The following SLC24A2 variants were observed in gnomAD, a reference collection of about 807,000 sequenced individuals.
SLC24A2 encodes the protein solute carrier family 24 member 2.
Under a neutral mutation model 62.0 loss-of-function variants are expected in SLC24A2, and 36 were observed. The observed-to-expected ratio is 0.58, with a 90% CI of 0.44 to 0.77. The LOEUF is 0.77. Ranked by LOEUF, SLC24A2 falls within the 30% of genes least tolerant of loss-of-function variation. The probability of loss-of-function intolerance (pLI) is 0.00; values close to 1 mark genes in which losing one functional copy is unlikely to be tolerated. For synonymous variants in SLC24A2, 358 were observed against 294.0 expected (o/e 1.22, Z -2.23); for missense variants, 846 against 817.9 (o/e 1.03, Z -0.42).
chr9:19,647,062 ACG>A lies in SLC24A2; in HGVS notation c.931-24765_931-24764del, dbSNP rs1289043231. On this transcript the variant is annotated intron_variant, in intron 2 of 10. Transcript: ENST00000341998. ...TCTCTCTCTTTCCACACACACACAC[ACG>A]CGCGCACACACACACACACACACAC... Among the ~76,000 whole-genome samples, 141 of 31,704 alleles carry A rather than the reference ACG, an allele frequency of 4.4e-3. 2 individuals carry two copies. The highest frequency in any genetic ancestry group is 0.033 in the East Asian group (20 of 598). 20.8% of individuals were successfully genotyped at this position (31,704 alleles called of 152,430 possible).
intron 2 of SLC24A2, among the ~76,000 whole-genome samples, chr9:19,678,201 C>A (rs1241628191): frequency 1.3e-5 from 2 of 152,194 alleles, no homozygotes; most frequent in African/African-American, 4.8e-5. Context: ...ATAACGGAAG[C>A]CCTCCATGGC....
chr9:19,572,726 C>T (rs1035492277), intron 7 of SLC24A2, among the ~76,000 whole-genome samples: 76 of 152,150 alleles, frequency 5.0e-4, no homozygotes, highest in African/African-American at 1.8e-3. Context: ...TGCCTAGTAC[C>T]GAAGCTGTGG....
At chr9:19,940,820 A>G in the SLC24A2 span, among the ~76,000 whole-genome samples, 1 of 152,226 alleles carries the variant, frequency 6.6e-6, no homozygotes, top group Non-Finnish European at 1.5e-5. Context: ...CTGAATGCAC[A>G]TGCTGATTTC....
At chr9:19,783,612 C>T (rs1400014073) in intron 2 of SLC24A2, among the ~76,000 whole-genome samples, 1 of 152,120 alleles carries the variant, frequency 6.6e-6, no homozygotes, top group African/African-American at 2.4e-5. Flanking sequence ...TGTTCAGTGC[C>T]TGGGGGGGAA....
At chr9:19,635,153 C>T (rs1374219656) in intron 2 of SLC24A2, among the ~76,000 whole-genome samples, 1 of 152,154 alleles carries the variant, frequency 6.6e-6, no homozygotes, top group Non-Finnish European at 1.5e-5. Flanking sequence ...GCGTTACTGT[C>T]AAATGAAGCC....
chr9:19,737,885 T>C (rs189537817), intron 2 of SLC24A2, among the ~76,000 whole-genome samples: 4 of 152,216 alleles, frequency 2.6e-5, no homozygotes, highest in Admixed American at 2.6e-4. Flanking sequence ...TATATGCCAA[T>C]GAAAAGAATC....
the SLC24A2 span, among the ~76,000 whole-genome samples, chr9:19,850,022 C>CTTTT: frequency 6.9e-6 from 1 of 144,618 alleles, no homozygotes; most frequent in African/African-American, 2.5e-5. Flanking sequence ...ATAAAAACTG[C>CTTTT]TTTTTTTTTT....
At chr9:19,764,348 T>C (rs1217333273) in intron 2 of SLC24A2, among the ~76,000 whole-genome samples, 1 of 152,212 alleles carries the variant, frequency 6.6e-6, no homozygotes, top group Non-Finnish European at 1.5e-5. Context: ...TACTGGCTTT[T>C]GAATTTGTTT....
At chr9:19,992,619 T>C in the SLC24A2 span, among the ~76,000 whole-genome samples, 2 of 152,348 alleles carry the variant, frequency 1.3e-5, no homozygotes, top group East Asian at 3.9e-4. Context: ...CTGGGGAATC[T>C]TGGACTTCAC....
the SLC24A2 span, among the ~76,000 whole-genome samples, chr9:20,270,589 T>A: frequency 6.6e-6 from 1 of 152,168 alleles, no homozygotes; most frequent in Non-Finnish European, 1.5e-5. Flanking sequence ...TAAAATAAAG[T>A]GCTTTCCCTA....
the SLC24A2 span, among the ~76,000 whole-genome samples, chr9:20,190,420 C>G: frequency 1.3e-5 from 2 of 152,078 alleles, no homozygotes; most frequent in East Asian, 3.9e-4. Context: ...TTGTGTTTTT[C>G]AATAAACATA....
the SLC24A2 span, among the ~76,000 whole-genome samples, chr9:20,208,173 G>A: frequency 6.6e-6 from 1 of 152,242 alleles, no homozygotes; most frequent in Non-Finnish European, 1.5e-5. Flanking sequence ...ATGTGTGCAG[G>A]TGGGTAGGCA....
At chr9:20,002,016 T>C in the SLC24A2 span, among the ~76,000 whole-genome samples, 2 of 152,202 alleles carry the variant, frequency 1.3e-5, no homozygotes, top group Non-Finnish European at 2.9e-5. Context: ...TAGAATTCTT[T>C]TGATTTTCAA....
chr9:19,971,241 T>C, the SLC24A2 span, among the ~76,000 whole-genome samples: 1 of 152,198 alleles, frequency 6.6e-6, no homozygotes, highest in Non-Finnish European at 1.5e-5. Context: ...AAGAATGTCT[T>C]AGCTGACCCA....
Position 19,580,331 on chromosome 9 carries a change from G to A in SLC24A2, c.1130-3309C>T, listed in dbSNP as rs570622697. On this transcript the variant is annotated intron_variant, in intron 5 of 10. Transcript: ENST00000341998. ...ATTAGTTTCTAGAAAGGCTGCAGTTGAGGGCCCACCTTCAGAATGTGGCAC... is the reference window on the plus strand; with the variant it reads ...ATTAGTTTCTAGAAAGGCTGCAGTTAAGGGCCCACCTTCAGAATGTGGCAC... Among the ~76,000 whole-genome samples the A allele has an allele frequency of 7.2e-5, 11 of 152,378 alleles. No homozygotes were observed. The South Asian group carries it at 1.0e-3, about 14-fold the overall frequency.
chr9:20,156,400 C>A, the SLC24A2 span, among the ~76,000 whole-genome samples: 2 of 151,734 alleles, frequency 1.3e-5, no homozygotes, highest in Non-Finnish European at 2.9e-5. Flanking sequence ...CCATATCACA[C>A]AGTGAATCTA....
the SLC24A2 span, among the ~76,000 whole-genome samples, chr9:20,151,262 TATC>T: frequency 6.6e-6 from 1 of 151,978 alleles, no homozygotes; most frequent in South Asian, 2.1e-4. Context: ...ATTACTTTAT[TATC>T]ATAATTCCTG....
intron 2 of SLC24A2, among the ~76,000 whole-genome samples, chr9:19,641,617 C>T (rs1338006794): frequency 6.6e-6 from 1 of 151,352 alleles, no homozygotes; most frequent in Non-Finnish European, 1.5e-5. Flanking sequence ...TGGGTTCAAG[C>T]GATTCTCCTG....
At chr9:20,046,040 A>T in the SLC24A2 span, among the ~76,000 whole-genome samples, 4 of 152,312 alleles carry the variant, frequency 2.6e-5, no homozygotes, top group Non-Finnish European at 5.9e-5. Context: ...AGCTGCTCTC[A>T]TATCAAAAGT....
Sources: allele counts gnomAD v4.1 joint callset (sites outside exome capture counted in the v4.1 genomes callset), GRCh38; gene constraint gnomAD v4.1.1; transcripts MANE v1.5; gene names NCBI Gene and HGNC (gene_info 2026-07-23, HGNC 2026-07-21).